KHDRBS2: variants seen among roughly 807,000 people sequenced by gnomAD.
KHDRBS2 encodes the protein KH RNA binding domain containing, signal transduction associated 2.
A neutral mutation model predicts 44.3 loss-of-function variants in KHDRBS2; 26 were observed. The ratio of observed to expected loss-of-function variants is 0.59; its 90% CI spans 0.43 to 0.81. The LOEUF is 0.81. Ranked by LOEUF, KHDRBS2 falls within the 40% of genes least tolerant of loss-of-function variation. The pLI is 0.00. For synonymous variants in KHDRBS2, 194 were observed against 151.1 expected (o/e 1.28, Z -2.08); for missense variants, 476 against 433.1 (o/e 1.10, Z -0.88).
At chr6:61,933,219 C>T (rs1810412662) in intron 4 of KHDRBS2, among the ~76,000 whole-genome samples, 1 of 152,084 alleles carries the variant, frequency 6.6e-6, no homozygotes, top group South Asian at 2.1e-4. Context: ...TTTTAAACAA[C>T]CAGAACTCCT....
intron 2 of KHDRBS2, among the ~76,000 whole-genome samples, chr6:62,084,093 T>A (rs1214901177): frequency 6.6e-6 from 1 of 152,154 alleles, no homozygotes; most frequent in East Asian, 1.9e-4. Flanking sequence ...TGTGTGGCCA[T>A]ATAGTCCTGT....
At chr6:61,776,738 C>G (rs943122349) in intron 6 of KHDRBS2, among the ~76,000 whole-genome samples, 1 of 152,124 alleles carries the variant, frequency 6.6e-6, no homozygotes, top group African/African-American at 2.4e-5. Flanking sequence ...GGCGATTTCT[C>G]AGGGATATAG....
chr6:62,112,637 T>C (rs372909797), intron 2 of KHDRBS2, among the ~76,000 whole-genome samples: 8 of 152,210 alleles, frequency 5.3e-5, no homozygotes, highest in East Asian at 1.9e-4. Context: ...AAAACACTTA[T>C]ATAATGAAAG....
In KHDRBS2 at chr6:62,048,365, TAA is replaced by T. The variant is rs1788211686; in HGVS notation, c.220-373_220-372del. Among the ~76,000 whole-genome samples the T allele has an allele frequency of 2.0e-5, 3 of 152,042 alleles. No individual in the cohort carries two copies. In the South Asian group the frequency reaches 6.2e-4, roughly 31 times the overall value. On this transcript the variant is annotated intron_variant, in intron 2 of 8. Transcript: ENST00000281156. ...TTTCTCTCAAACTATATTATTGAAA[TAA>T]GAGATGATTTTAACGTAAGTCTATG...
Position 62,240,648 on chromosome 6 carries a change from G to A in KHDRBS2, c.91+45210C>T, listed in dbSNP as rs1484737048. On this transcript the variant is annotated intron_variant, in intron 1 of 8. Transcript: ENST00000281156. Reference sequence around the variant, plus strand: ...TATGTACACACATATATGTGTGTGTGTATGTGTGTATGTATGTGTGTGTGT... The same window carrying A: ...TATGTACACACATATATGTGTGTGTATATGTGTGTATGTATGTGTGTGTGT... Among the ~76,000 whole-genome samples the A allele has an allele frequency of 1.1e-4, 10 of 91,888 alleles. No homozygotes were observed. In the East Asian group the frequency reaches 3.1e-3, roughly 29 times the overall value. The allele number at this position is 91,888 out of a possible 152,430, so 60.3% of individuals were successfully genotyped here. A position where few individuals can be genotyped will look rare whatever the true frequency, so the allele number is the denominator to read the frequency against.
At chr6:62,181,411 G>T (rs1822259670) in intron 1 of KHDRBS2, among the ~76,000 whole-genome samples, 1 of 151,902 alleles carries the variant, frequency 6.6e-6, no homozygotes, top group South Asian at 2.1e-4. Context: ...CTCCAAAGAT[G>T]ATATGCAAAT....
chr6:61,779,108 C>G (rs1278841085), intron 6 of KHDRBS2, among the ~76,000 whole-genome samples: 1 of 152,132 alleles, frequency 6.6e-6, no homozygotes, highest in African/African-American at 2.4e-5. Context: ...AAATATCCTC[C>G]CATCATGCCA....
chr6:61,728,685 G>T (rs917188561), intron 7 of KHDRBS2, among the ~76,000 whole-genome samples: 8 of 152,110 alleles, frequency 5.3e-5, no homozygotes, highest in African/African-American at 9.7e-5. Context: ...AAAACAGTTT[G>T]CAGTATATGA....
At position 61,963,916 on chromosome 6, in the gene KHDRBS2, T is replaced by C. The variant is rs1162911008; in HGVS notation, c.483+14150A>G. Among the ~76,000 whole-genome samples the C allele has an allele frequency of 2.6e-5, 4 of 152,028 alleles. No individual in the cohort carries two copies. The East Asian group carries it at 7.7e-4, about 29-fold the overall frequency. On this transcript the variant is annotated intron_variant, in intron 4 of 8. Coordinates refer to ENST00000281156, the MANE Select transcript of KHDRBS2 (RefSeq NM_152688.4). ...GCTGAGGAAAATATTGTTTCTTCCTTTACACCTAAAGTTTAAAGGAGCTTT... is the reference window on the plus strand; with the variant it reads ...GCTGAGGAAAATATTGTTTCTTCCTCTACACCTAAAGTTTAAAGGAGCTTT...
intron 3 of KHDRBS2, among the ~76,000 whole-genome samples, chr6:62,046,533 A>C (rs1314076925): frequency 5.3e-5 from 8 of 151,988 alleles, no homozygotes; most frequent in African/African-American, 1.7e-4. Flanking sequence ...AAAACACACA[A>C]TATGAAGTTT....
At chr6:61,771,643 T>G (rs568295086) in intron 6 of KHDRBS2, among the ~76,000 whole-genome samples, 54 of 152,276 alleles carry the variant, frequency 3.5e-4, no homozygotes, top group African/African-American at 1.3e-3. Context: ...CTAACTATCC[T>G]AAATATATAT....
chr6:61,867,422 G>A (rs1401467317), intron 6 of KHDRBS2, among the ~76,000 whole-genome samples: 1 of 151,990 alleles, frequency 6.6e-6, no homozygotes, highest in African/African-American at 2.4e-5. Context: ...ATTTCGGTGG[G>A]GACACAGCCA....
At chr6:61,912,814 C>A (rs78870248) in intron 4 of KHDRBS2, among the ~76,000 whole-genome samples, 2 of 152,058 alleles carry the variant, frequency 1.3e-5, no homozygotes, top group Non-Finnish European at 2.9e-5. Flanking sequence ...AAAGGATTTA[C>A]GGCAAAGAAG....
chr6:62,153,888 A>G (rs1471248196), intron 2 of KHDRBS2, among the ~76,000 whole-genome samples: 1 of 152,228 alleles, frequency 6.6e-6, no homozygotes, highest in Non-Finnish European at 1.5e-5. Context: ...GAACAGTCTC[A>G]GGCATTTCTC....
At chr6:61,768,311 A>G (rs1780308735) in intron 6 of KHDRBS2, among the ~76,000 whole-genome samples, 1 of 151,920 alleles carries the variant, frequency 6.6e-6, no homozygotes, top group South Asian at 2.1e-4. Context: ...TGGGAGTTTG[A>G]TTTTTAAGTG....
At chr6:61,564,561 C>T in the KHDRBS2 span, among the ~76,000 whole-genome samples, 210 of 151,970 alleles carry the variant, frequency 1.4e-3, no homozygotes, top group African/African-American at 4.8e-3. Context: ...TGGTATCTTC[C>T]AAAGCATAAA....
At chr6:62,022,392 C>G (rs1782514739) in intron 3 of KHDRBS2, among the ~76,000 whole-genome samples, 1 of 151,646 alleles carries the variant, frequency 6.6e-6, no homozygotes. Context: ...GTTAACCAAC[C>G]TGTCTGTGTA....
intron 1 of KHDRBS2, among the ~76,000 whole-genome samples, chr6:62,219,308 GAACT>G (rs1830503957): frequency 1.3e-5 from 2 of 151,474 alleles, no homozygotes; most frequent in South Asian, 2.1e-4. Context: ...AGAGGGAAAG[GAACT>G]AACATAAATT....
the KHDRBS2 span, among the ~76,000 whole-genome samples, chr6:61,581,499 C>T: frequency 3.1e-3 from 456 of 149,212 alleles, 4 homozygotes; most frequent in African/African-American, 0.011. Context: ...AGACATAAAA[C>T]TTGTGAAATA....
Sources: gnomAD v4.1 joint callset for allele counts (sites outside exome capture counted in the v4.1 genomes callset) on GRCh38, gnomAD v4.1.1 for gene constraint, MANE v1.5 for transcripts, NCBI Gene and HGNC (gene_info 2026-07-23, HGNC 2026-07-21) for gene names.